Variants in METTL9 observed in about 807,000 individuals in gnomAD.
METTL9 encodes the protein methyltransferase 9, His-X-His N1(pi)-histidine.
Under a neutral mutation model 36.0 loss-of-function variants are expected in METTL9, and 10 were observed. That is an observed-to-expected ratio of 0.28 (90% CI 0.17 to 0.47). METTL9 has a LOEUF of 0.47. Ranked by LOEUF, METTL9 falls within the 20% of genes least tolerant of loss-of-function variation. METTL9 has a pLI of 0.99. For synonymous variants in METTL9, 175 were observed against 149.7 expected (o/e 1.17, Z -1.23); for missense variants, 246 against 383.5 (o/e 0.64, Z 3.00).
intron 4 of METTL9, chr16:21,639,794 A>T (rs532751773): frequency 1.1e-4 from 17 of 152,334 alleles, no homozygotes; most frequent in African/African-American, 3.8e-4. Flanking sequence ...ACATAGGATC[A>T]GGAAAGTTTG....
Position 21,599,730 on chromosome 16 carries a change from C to T in METTL9, c.-4C>T. On this transcript the variant is annotated 5_prime_UTR_variant, in exon 1 of 5. Coordinates refer to ENST00000358154, the MANE Select transcript of METTL9 (RefSeq NM_016025.5). The surrounding 1 kb of genome is among the most constrained non-coding windows in gnomAD (Gnocchi z 4.4). ...GTGATCCGAGCGAGCGGCCGCGGCC[C>T]CCGATGAGACTGCTGGCGGGCTGGC... 6.6e-7 allele frequency: 1 copy of T among 1,506,554 alleles called. No homozygotes were observed. Among genetic ancestry groups the T allele is most frequent in the Non-Finnish European group, 8.8e-7 (1 of 1,135,682 alleles). The allele number at this position is 1,506,554 out of a possible 1,614,324, so 93.3% of individuals were successfully genotyped here. A position where few individuals can be genotyped will look rare whatever the true frequency, so the allele number is the denominator to read the frequency against.
chr16:21,612,852 C>T lies in METTL9; in HGVS notation c.356+17C>T, dbSNP rs746448457. On this transcript the variant is annotated intron_variant, in intron 2 of 4. Coordinates refer to ENST00000358154, the MANE Select transcript of METTL9 (RefSeq NM_016025.5). ...TATCAATGGGTAAGTGAATCTTGGA[C>T]ATTTATTTTTTTCTTTATCCTTAGG... The T allele has an allele frequency of 1.9e-6, 3 of 1,549,350 alleles. No homozygotes were observed. The highest frequency in any genetic ancestry group is 2.6e-6 in the Non-Finnish European group (3 of 1,151,290).
chr16:21,604,024 CAG>C (rs975118737), intron 1 of METTL9, among the ~76,000 whole-genome samples: 2 of 152,020 alleles, frequency 1.3e-5, no homozygotes, highest in African/African-American at 2.4e-5. Flanking sequence ...TGCTAAAGGA[CAG>C]AGTGTTTCCT....
upstream of METTL9, chr16:21,597,413 G>T: frequency 1.6e-6 from 1 of 632,680 alleles, no homozygotes; most frequent in Non-Finnish European, 2.5e-6. Flanking sequence ...GTGTTTGGTG[G>T]TTATTATAGA....
intron 2 of METTL9, among the ~76,000 whole-genome samples, chr16:21,613,833 G>GTT (rs11326723): frequency 7.5e-6 from 1 of 134,028 alleles, no homozygotes; most frequent in Admixed American, 7.5e-5. Flanking sequence ...AGTTTTTTTT[G>GTT]TTTTTTTTTT....
intron 4 of METTL9, among the ~76,000 whole-genome samples, chr16:21,642,686 C>G (rs1966304209): frequency 6.6e-6 from 1 of 151,986 alleles, no homozygotes; most frequent in South Asian, 2.1e-4. Flanking sequence ...TTATAAGTAA[C>G]AAGTAATTTT....
chr16:21,601,476 A>G (rs749043848), intron 1 of METTL9, among the ~76,000 whole-genome samples: 5 of 152,162 alleles, frequency 3.3e-5, no homozygotes, highest in Admixed American at 1.3e-4. Flanking sequence ...AACACTTATC[A>G]TGATTACCCC....
At chr16:21,638,046 G>A (rs892491549) in intron 4 of METTL9, among the ~76,000 whole-genome samples, 7 of 152,188 alleles carry the variant, frequency 4.6e-5, no homozygotes, top group Non-Finnish European at 8.8e-5. Context: ...GGCTGGGTGC[G>A]GTGGCTTATG....
At chr16:21,632,114 A>G (rs1381101746) in intron 4 of METTL9, among the ~76,000 whole-genome samples, 1 of 151,946 alleles carries the variant, frequency 6.6e-6, no homozygotes, top group Non-Finnish European at 1.5e-5. Context: ...GCAGTGTAAG[A>G]CTGCCGCCTC....
intron 4 of METTL9, chr16:21,642,195 T>TA (rs924135796): frequency 2.0e-5 from 3 of 152,072 alleles, no homozygotes; most frequent in African/African-American, 7.2e-5. Flanking sequence ...AAGTTGGACT[T>TA]AAAAAAATCG....
chr16:21,653,955 A>G (rs1966642019), intron 4 of METTL9: 1 of 147,254 alleles, frequency 6.8e-6, no homozygotes, highest in Non-Finnish European at 1.5e-5. Flanking sequence ...AAATCTCCCC[A>G]CCATGATATG....
intron 2 of METTL9, 97 bp downstream of exon 2, chr16:21,612,932 C>A: frequency 9.3e-7 from 1 of 1,076,364 alleles, no homozygotes; most frequent in Non-Finnish European, 1.3e-6. Context: ...ATGTTGACTA[C>A]CTGAGCTACA....
At chr16:21,599,488 G>A (rs939995594), upstream of METTL9, 6 of 1,201,492 alleles carry the variant, frequency 5.0e-6, no homozygotes, top group African/African-American at 1.6e-5. The surrounding 1 kb of genome is among the most constrained non-coding windows in gnomAD (Gnocchi z 4.4). Context: ...CCGCTCGTAA[G>A]TGCTCCGGAT....
At chr16:21,602,594 A>G (rs1249998206) in intron 1 of METTL9, among the ~76,000 whole-genome samples, 1 of 152,208 alleles carries the variant, frequency 6.6e-6, no homozygotes, top group Admixed American at 6.5e-5. Context: ...GAAAATATCA[A>G]AATAACATTT....
intron 4 of METTL9, chr16:21,652,697 GA>G: frequency 1.2e-6 from 1 of 831,572 alleles, no homozygotes; most frequent in Non-Finnish European, 1.9e-6. Context: ...AACCTCTTAT[GA>G]AGGAACCATA....
intron 1 of METTL9, among the ~76,000 whole-genome samples, chr16:21,608,712 G>A (rs2152893188): frequency 6.6e-6 from 1 of 152,282 alleles, no homozygotes; most frequent in East Asian, 1.9e-4. Context: ...ATCCTACAAT[G>A]TGCAGGTCAG....
chr16:21,614,676 T>C (rs563907503), intron 2 of METTL9, among the ~76,000 whole-genome samples: 6 of 152,190 alleles, frequency 3.9e-5, no homozygotes, highest in Non-Finnish European at 8.8e-5. Context: ...ACTGTAGTAC[T>C]GTCTTGTATT....
intron 3 of METTL9, among the ~76,000 whole-genome samples, chr16:21,620,284 T>G (rs1303583210): frequency 6.6e-6 from 1 of 152,208 alleles, no homozygotes; most frequent in Non-Finnish European, 1.5e-5. Flanking sequence ...TAGCAAGCTG[T>G]CTCAGATAAG....
chr16:21,603,984 C>G (rs1425457150), intron 1 of METTL9, among the ~76,000 whole-genome samples: 1 of 151,972 alleles, frequency 6.6e-6, no homozygotes, highest in East Asian at 1.9e-4. Flanking sequence ...TGAAAAAATA[C>G]TTGGACAGCA....
Sources: gnomAD v4.1 joint callset for allele counts (sites outside exome capture counted in the v4.1 genomes callset) on GRCh38, gnomAD v4.1.1 for gene constraint, Gnocchi (gnomAD v3.1) non-coding constraint, MANE v1.5 for transcripts, NCBI Gene and HGNC (gene_info 2026-07-23, HGNC 2026-07-21) for gene names.